PLEKHM2: variants seen among roughly 807,000 people sequenced by gnomAD.
PLEKHM2 encodes the protein pleckstrin homology and RUN domain containing M2.
In PLEKHM2, 77 loss-of-function variants were observed where a neutral mutation model predicts 116.3. The observed-to-expected ratio is 0.66, with a 90% CI of 0.55 to 0.80. The LOEUF is 0.80. PLEKHM2 is among the 30% of genes least tolerant of loss of function. The pLI is 0.00. For synonymous variants in PLEKHM2, 562 were observed against 571.0 expected, an observed-to-expected ratio of 0.98 and a Z score of 0.22; for missense variants, 1,183 against 1,354.9, an observed-to-expected ratio of 0.87 and a Z score of 1.99.
chr1:15,686,187 C>G (rs1158465681), intron 1 of PLEKHM2, among the ~76,000 whole-genome samples: 1 of 152,152 alleles, frequency 6.6e-6, no homozygotes, highest in Non-Finnish European at 1.5e-5. Context: ...TGTTGAGGTG[C>G]ATATAATTGT....
chr1:15,723,055 C>T (rs1366183111), intron 7 of PLEKHM2: 1 of 152,162 alleles, frequency 6.6e-6, no homozygotes, highest in African/African-American at 2.4e-5. Flanking sequence ...GAGGCTCTGT[C>T]TTCTCCTTGG....
intron 1 of PLEKHM2, among the ~76,000 whole-genome samples, chr1:15,704,990 C>G (rs554970444): frequency 1.3e-5 from 2 of 152,140 alleles, no homozygotes; most frequent in South Asian, 4.1e-4. Flanking sequence ...TGGAAAGGGG[C>G]CCGGGCATTG....
chr1:15,697,849 G>T (rs539606122), intron 1 of PLEKHM2, among the ~76,000 whole-genome samples: 1 of 152,072 alleles, frequency 6.6e-6, no homozygotes, highest in South Asian at 2.1e-4. Context: ...TGTTGCCCAG[G>T]CTGGTCACCC....
At chr1:15,682,533 C>T (rs1303747919), upstream of PLEKHM2, among the ~76,000 whole-genome samples, 3 of 151,438 alleles carry the variant, frequency 2.0e-5, no homozygotes, top group Non-Finnish European at 4.4e-5. Context: ...GCAGGAGAAT[C>T]GCTTAAAGCT....
At position 15,730,701 on chromosome 1, in the gene PLEKHM2, A is replaced by G; in HGVS notation, c.2378A>G (p.Lys793Arg). The G allele has an allele frequency of 6.2e-7, 1 of 1,604,776 alleles. No homozygotes were observed. Among genetic ancestry groups the G allele is most frequent in the Non-Finnish European group, 8.5e-7 (1 of 1,175,952 alleles). The change falls in exon 15 of 20, where the codon AAG becomes AGG. Residue 793 changes from lysine (K) to arginine (R), a missense_variant. By Grantham distance (26) the Lys-to-Arg change is conservative. Around this residue, in one of 3 missense-constraint regions of PLEKHM2, gnomAD observed 594 missense variants for 720.1 expected, o/e 0.82. Coordinates refer to ENST00000375799, the MANE Select transcript of PLEKHM2 (RefSeq NM_015164.4). ...GTSYLGKEHWKTCFVVLSNGI... is the reference protein window; with the variant it reads ...GTSYLGKEHWRTCFVVLSNGI... Reference sequence around the variant, plus strand: ...TCCTACCTGGGCAAGGAACACTGGAAGACGTGCTTCGTGGTGCTCAGGTGG... The same window carrying G: ...TCCTACCTGGGCAAGGAACACTGGAGGACGTGCTTCGTGGTGCTCAGGTGG...
chr1:15,705,857 C>T lies in PLEKHM2; in HGVS notation c.61-10380C>T, dbSNP rs1017319917. Among the ~76,000 whole-genome samples, 7 of 152,086 alleles carry T rather than the reference C, an allele frequency of 4.6e-5. No individual in the cohort carries two copies. The East Asian group carries it at 5.8e-4, about 13-fold the overall frequency. On this transcript the variant is annotated intron_variant, in intron 1 of 19. Coordinates refer to ENST00000375799, the MANE Select transcript of PLEKHM2 (RefSeq NM_015164.4). ...CTGTAATCCCAGCACTTTGGGAGGC[C>T]GAGGTGGGTGGATTGCTTGACCCAG...
intron 1 of PLEKHM2, among the ~76,000 whole-genome samples, chr1:15,708,861 C>T (rs950222422): frequency 8.5e-5 from 13 of 152,188 alleles, no homozygotes; most frequent in African/African-American, 2.7e-4. Flanking sequence ...GATTAAATTA[C>T]GTTTGAAAAG....
chr1:15,717,852 T>G, intron 3 of PLEKHM2, 41 bp from the exon 4 acceptor site: 1 of 1,312,684 alleles, frequency 7.6e-7, no homozygotes, highest in Non-Finnish European at 1.1e-6. Context: ...GCCAGCAGTC[T>G]GAGAGGCCTT....
At chr1:15,712,840 GCCCCT>G (rs1641362351) in intron 1 of PLEKHM2, among the ~76,000 whole-genome samples, 1 of 150,774 alleles carries the variant, frequency 6.6e-6, no homozygotes, top group Non-Finnish European at 1.5e-5. Flanking sequence ...TTTATTTTTC[GCCCCT>G]GCTGGAGTGC....
chr1:15,717,954 C>A lies in PLEKHM2; in HGVS notation c.339C>A (p.Phe113Leu), dbSNP rs973996783. Residue 113 changes from phenylalanine (F) to leucine (L), a missense_variant, in exon 4 of 20, where the codon TTC becomes TTA. Physicochemically the swap from Phe to Leu is conservative, Grantham distance 22 (BLOSUM62 0). This residue lies in a region of PLEKHM2 where 217 missense variants were observed against 277.6 expected (regional missense o/e 0.78). Transcript: ENST00000375799. ...ENSLESYLRL[F>L]QENLGLLHKY... ...CCTTGGAGAGCTACCTGCGGTTGTTCCAGGAGAACCTGGGCCTGCTGCATA... is the reference window on the plus strand; with the variant it reads ...CCTTGGAGAGCTACCTGCGGTTGTTACAGGAGAACCTGGGCCTGCTGCATA... 2 of 1,599,358 alleles carry A rather than the reference C, an allele frequency of 1.3e-6. No homozygotes were observed. The highest frequency in any genetic ancestry group is 2.7e-5 in the African/African-American group (2 of 74,754).
At chr1:15,725,074 AAT>A (rs2068044400) in intron 7 of PLEKHM2, among the ~76,000 whole-genome samples, 1 of 152,064 alleles carries the variant, frequency 6.6e-6, no homozygotes, top group African/African-American at 2.4e-5. Context: ...AACTCAGCCA[AAT>A]TGTTGTGAGC....
intron 1 of PLEKHM2, among the ~76,000 whole-genome samples, chr1:15,704,251 G>A (rs906315406): frequency 4.0e-5 from 6 of 151,826 alleles, no homozygotes; most frequent in African/African-American, 1.5e-4. Context: ...TGGCAAAACC[G>A]GTCAAAGGGA....
chr1:15,694,765 T>TG, intron 1 of PLEKHM2, among the ~76,000 whole-genome samples: 1 of 151,906 alleles, frequency 6.6e-6, no homozygotes. Context: ...TGTTTTTTTT[T>TG]TTTGTTTTTT....
At position 15,716,343 on chromosome 1, in the gene PLEKHM2, G is replaced by A; in HGVS notation, c.167G>A (p.Gly56Glu). The A allele has an allele frequency of 6.3e-7, 1 of 1,578,754 alleles. No homozygotes were observed. The highest frequency in any genetic ancestry group is 8.6e-7 in the Non-Finnish European group (1 of 1,157,708). The change falls in exon 2 of 20, where the codon GGA becomes GAA. Residue 56 changes from glycine (G) to glutamate (E), a missense_variant and splice_region_variant. Gly to Glu is a moderately conservative substitution (Grantham distance 98). Around this residue, in one of 3 missense-constraint regions of PLEKHM2, gnomAD observed 217 missense variants for 277.6 expected, o/e 0.78. Coordinates refer to ENST00000375799, the MANE Select transcript of PLEKHM2 (RefSeq NM_015164.4). The part of the protein sequence containing the change: ...CEHLDHALLY[G>E]LQDLSSGYWV... ...CACCTGGACCACGCCCTGCTGTACG[G>A]GTAAGGTGGAGGAAGTTTCCAAAGA...
intron 1 of PLEKHM2, among the ~76,000 whole-genome samples, chr1:15,693,444 C>T (rs1009959851): frequency 1.3e-5 from 2 of 152,214 alleles, no homozygotes; most frequent in South Asian, 4.1e-4. Flanking sequence ...CCTTTCCATC[C>T]CATCACAGAA....
In PLEKHM2 at chr1:15,732,154, C is replaced by T. The variant is rs988135406; in HGVS notation, c.2625+106C>T. On this transcript the variant is annotated intron_variant, in intron 17 of 19. Coordinates refer to ENST00000375799, the MANE Select transcript of PLEKHM2 (RefSeq NM_015164.4). ...TCACAGAGCAACCTGAGGGCCAAGA[C>T]GGACCTCCAGGGGGCAGCCCAGGAA... 4.3e-5 allele frequency: 50 copies of T among 1,158,150 alleles called. No individual in the cohort carries two copies. In the Admixed American group the frequency reaches 6.4e-4, roughly 15 times the overall value. The allele number at this position is 1,158,150 out of a possible 1,614,324, so 71.7% of individuals were successfully genotyped here.
At chr1:15,717,565 C>T (rs1198898623) in intron 3 of PLEKHM2, among the ~76,000 whole-genome samples, 1 of 152,224 alleles carries the variant, frequency 6.6e-6, no homozygotes, top group African/African-American at 2.4e-5. Context: ...TATGGAATCC[C>T]AGCCTGAGCA....
chr1:15,691,675 G>T (rs528124707), intron 1 of PLEKHM2, among the ~76,000 whole-genome samples: 1 of 152,190 alleles, frequency 6.6e-6, no homozygotes, highest in African/African-American at 2.4e-5. Flanking sequence ...ATTTACTGGC[G>T]CTGGTGAATG....
chr1:15,720,551 C>T, intron 6 of PLEKHM2: 5 of 896,492 alleles, frequency 5.6e-6, no homozygotes, highest in Non-Finnish European at 6.6e-6. Flanking sequence ...AACCTTAGGC[C>T]CTGGTGTTCA....
Sources: gnomAD v4.1 joint callset for allele counts (sites outside exome capture counted in the v4.1 genomes callset) on GRCh38, gnomAD v4.1.1 for gene constraint, gnomAD v4.1.1 regional missense constraint, MANE v1.5 for transcripts, NCBI Gene and HGNC (gene_info 2026-07-23, HGNC 2026-07-21) for gene names.